The following OSBPL6 variants were observed in gnomAD, a reference collection of about 807,000 sequenced individuals.
The protein encoded by OSBPL6 is oxysterol binding protein like 6, also known as oxysterol-binding protein-related protein 6.
A neutral mutation model predicts 125.8 loss-of-function variants in OSBPL6; 49 were observed. The ratio of observed to expected loss-of-function variants is 0.39; its 90% CI spans 0.31 to 0.49. The LOEUF is 0.49. OSBPL6 is among the 20% of genes least tolerant of loss of function. OSBPL6 has a pLI of 0.88. For synonymous variants in OSBPL6, 394 were observed against 391.8 expected (o/e 1.01, Z -0.07); for missense variants, 986 against 1,135.4 (o/e 0.87, Z 1.89).
intron 15 of OSBPL6, among the ~76,000 whole-genome samples, chr2:178,376,597 C>G (rs778242590): frequency 2.6e-5 from 4 of 152,130 alleles, no homozygotes; most frequent in African/African-American, 4.8e-5. Context: ...AAAGGCAAAT[C>G]TGATCATGTC....
chr2:178,392,484 C>T lies in OSBPL6; in HGVS notation c.2519C>T (p.Pro840Leu). 1 of 1,614,046 alleles carries T rather than the reference C, an allele frequency of 6.2e-7. No individual in the cohort carries two copies. Among genetic ancestry groups the T allele is most frequent in the Non-Finnish European group, 8.5e-7 (1 of 1,180,012 alleles). ...GCTATTGAGCTCAATGAGTTAGATCCAGTACTAAAAGATCTCCTTCCACCA... is the reference window on the plus strand; with the variant it reads ...GCTATTGAGCTCAATGAGTTAGATCTAGTACTAAAAGATCTCCTTCCACCA... The part of the protein sequence containing the change: ...RFAIELNELD[P>L]VLKDLLPPTD... The change falls in exon 23 of 25, where the codon CCA (proline) becomes CTA (leucine). Residue 840 changes from proline to leucine, a missense_variant. This residue lies in a region of OSBPL6 where 843 missense variants were observed against 997.3 expected (regional missense o/e 0.85). Transcript: ENST00000190611.
rs569554989 is a variant in OSBPL6, at chr2:178,305,589, CTT to C, written c.-155-438_-155-437del. Among the ~76,000 whole-genome samples the C allele has an allele frequency of 4.6e-5, 7 of 152,314 alleles. No homozygotes were observed. In the East Asian group the frequency reaches 1.4e-3, roughly 29 times the overall value. On this transcript the variant is annotated intron_variant, in intron 2 of 24. Transcript: ENST00000190611. ...ACAGGATGCACACAATGTGTTAACT[CTT>C]TTGTAACTGACTACTTTGTGTTGGA... is the stretch of plus-strand genomic sequence containing the variant.
intron 1 of OSBPL6, among the ~76,000 whole-genome samples, chr2:178,260,158 T>C (rs1461746377): frequency 2.0e-5 from 3 of 152,358 alleles, no homozygotes; most frequent in African/African-American, 7.2e-5. Flanking sequence ...TTTATTATTT[T>C]CTTTTATGCA....
intron 9 of OSBPL6, among the ~76,000 whole-genome samples, chr2:178,337,414 C>T (rs963894192): frequency 3.3e-5 from 5 of 152,060 alleles, no homozygotes; most frequent in African/African-American, 1.2e-4. Context: ...CATTTTTTGT[C>T]ATTTTTATCA....
At chr2:178,239,257 G>T (rs565587527) in intron 1 of OSBPL6, among the ~76,000 whole-genome samples, 4 of 152,182 alleles carry the variant, frequency 2.6e-5, no homozygotes, top group Admixed American at 2.6e-4. Flanking sequence ...ATTTTACAAA[G>T]ATGAGGGAAG....
Position 178,349,285 on chromosome 2 carries a change from C to A in OSBPL6, c.1049C>A (p.Ala350Glu), listed in dbSNP as rs760318611. 5 of 1,613,966 alleles carry A rather than the reference C, an allele frequency of 3.1e-6. No homozygotes were observed. The highest frequency in any genetic ancestry group is 4.2e-6 in the Non-Finnish European group (5 of 1,179,936). The change falls in exon 12 of 25, where the codon GCA (alanine) becomes GAA (glutamate). Residue 350 changes from alanine (A) to glutamate (E), a missense_variant. Transcript: ENST00000190611. ...CATTCCTCCAACCCCAACCTTTGTG[C>A]AGATATTGAATTTCAGACTCCCCCT... The part of the protein sequence containing the change: ...RLHSSNPNLC[A>E]DIEFQTPPSH...
chr2:178,398,381 C>A lies in OSBPL6; in HGVS notation c.*2822C>A, dbSNP rs1036484424. 1 of 152,114 alleles carries A rather than the reference C, an allele frequency of 6.6e-6. No homozygotes were observed. The highest frequency in any genetic ancestry group is 1.5e-5 in the Non-Finnish European group (1 of 68,030). The allele number at this position is 152,114 out of a possible 1,614,324, so 9.4% of individuals were successfully genotyped here. A position where few individuals can be genotyped will look rare whatever the true frequency, so the allele number is the denominator to read the frequency against. ...GCTGCTTCATCTCATTGGAGATGGT[C>A]ATTGAGGAGAGCAGTAATAAGTGAC... On this transcript the variant is annotated 3_prime_UTR_variant, in exon 25 of 25. Transcript: ENST00000190611.
chr2:178,199,884 T>C (rs992001555), intron 1 of OSBPL6, among the ~76,000 whole-genome samples: 2 of 152,212 alleles, frequency 1.3e-5, no homozygotes, highest in Non-Finnish European at 2.9e-5. Context: ...CCTTTAAACT[T>C]TGAAGGAAAA....
intron 1 of OSBPL6, among the ~76,000 whole-genome samples, chr2:178,263,876 TA>T (rs1462574951): frequency 6.6e-6 from 1 of 152,040 alleles, no homozygotes; most frequent in Admixed American, 6.6e-5. Context: ...CAGTATTTTC[TA>T]AAATGATGAT....
chr2:178,287,292 A>G (rs1169468700), intron 2 of OSBPL6, among the ~76,000 whole-genome samples: 1 of 152,154 alleles, frequency 6.6e-6, no homozygotes, highest in Non-Finnish European at 1.5e-5. Context: ...TCTCCCCCCT[A>G]GATACATCAG....
At chr2:178,194,117 G>A (rs1303516199), upstream of OSBPL6, among the ~76,000 whole-genome samples, 3 of 152,180 alleles carry the variant, frequency 2.0e-5, no homozygotes, top group Non-Finnish European at 4.4e-5. Flanking sequence ...GAGCGCGGCC[G>A]GCTCACCTCC....
chr2:178,299,143 G>A (rs1265793548), intron 2 of OSBPL6, among the ~76,000 whole-genome samples: 1 of 152,110 alleles, frequency 6.6e-6, no homozygotes, highest in Non-Finnish European at 1.5e-5. Flanking sequence ...AAACATGTTG[G>A]CAAAGGCCAG....
chr2:178,339,035 C>T lies in OSBPL6; in HGVS notation c.835C>T (p.Leu279=). The change falls in exon 10 of 25, where the codon CTG becomes TTG. Residue 279 remains leucine, a synonymous_variant. Coordinates refer to ENST00000190611, the MANE Select transcript of OSBPL6 (RefSeq NM_032523.4). ...AAACCTTGTGGAACTTAGCAAACTC[C>T]TGCAAAATTTGGAAATACTTCAGAG... ...QSNLVELSKL[L]QNLEILQRTQ... 12 of 1,613,522 alleles carry T rather than the reference C, an allele frequency of 7.4e-6. No individual in the cohort carries two copies. The highest frequency in any genetic ancestry group is 1.0e-5 in the Non-Finnish European group (12 of 1,179,750).
chr2:178,356,554 GA>G (rs1469176703), intron 12 of OSBPL6, among the ~76,000 whole-genome samples: 2 of 152,152 alleles, frequency 1.3e-5, no homozygotes, highest in Admixed American at 6.5e-5. Flanking sequence ...CCTCTTCAAA[GA>G]GAACTACACA....
chr2:178,340,573 T>G (rs1251266153), intron 11 of OSBPL6, among the ~76,000 whole-genome samples: 1 of 152,086 alleles, frequency 6.6e-6, no homozygotes, highest in Non-Finnish European at 1.5e-5. Flanking sequence ...CTTTCAGATC[T>G]TTAAACTAGA....
intron 20 of OSBPL6, among the ~76,000 whole-genome samples, chr2:178,387,997 C>T (rs915551696): frequency 6.6e-6 from 1 of 150,636 alleles, no homozygotes; most frequent in African/African-American, 2.5e-5. Context: ...GAGCAAGACT[C>T]CATCTCAAAA....
At chr2:178,270,225 AG>A (rs374210660) in intron 1 of OSBPL6, among the ~76,000 whole-genome samples, 1 of 152,224 alleles carries the variant, frequency 6.6e-6, no homozygotes, top group Non-Finnish European at 1.5e-5. Context: ...CCCTTATCAA[AG>A]ATGACCTCTT....
chr2:178,319,170 G>A (rs1688027749), intron 3 of OSBPL6, among the ~76,000 whole-genome samples: 1 of 152,176 alleles, frequency 6.6e-6, no homozygotes, highest in African/African-American at 2.4e-5. Flanking sequence ...CAAAGTAAAA[G>A]CTAGCTGACT....
chr2:178,274,394 T>C lies in OSBPL6; in HGVS notation c.-350-10533T>C, dbSNP rs369996106. 1.6e-4 allele frequency among the ~76,000 whole-genome samples: 25 copies of C among 152,200 alleles called. No homozygotes were observed. The East Asian group carries it at 4.4e-3, about 27-fold the overall frequency. On this transcript the variant is annotated intron_variant, in intron 1 of 24. Transcript: ENST00000190611. ...TAATTATGATAATAGCAAGCACTTA[T>C]GTAGTCTTAAGTGCTATATATAAAT... is the stretch of plus-strand genomic sequence containing the variant.
Sources: allele counts gnomAD v4.1 joint callset (sites outside exome capture counted in the v4.1 genomes callset), GRCh38; gene constraint gnomAD v4.1.1; regional missense constraint gnomAD v4.1.1; transcripts MANE v1.5; gene names NCBI Gene and HGNC (gene_info 2026-07-23, HGNC 2026-07-21).